Variants in ERBB4 observed in about 807,000 individuals in gnomAD.
ERBB4 encodes receptor tyrosine-protein kinase erbB-4.
In ERBB4, 42 loss-of-function variants were observed where a neutral mutation model predicts 158.0. The observed-to-expected ratio is 0.27, with a 90% CI of 0.21 to 0.34. The LOEUF is 0.34. ERBB4 is among the 10% of genes least tolerant of loss of function. The pLI, the probability that ERBB4 is intolerant of heterozygous loss-of-function variation, is 1.00. For missense variants in ERBB4, 1,333 were observed against 1,624.1 expected, an observed-to-expected ratio of 0.82 and a Z score of 3.08; for synonymous variants, 583 against 558.7, an observed-to-expected ratio of 1.04 and a Z score of -0.61.
intron 5 of ERBB4, among the ~76,000 whole-genome samples, chr2:211,735,775 ATACC>A (rs2074578976): frequency 1.3e-5 from 2 of 152,124 alleles, no homozygotes; most frequent in South Asian, 4.1e-4. Flanking sequence ...TAAAAGAGTT[ATACC>A]ACAAGCACAT....
At chr2:212,493,802 A>C (rs2106210123) in intron 1 of ERBB4, among the ~76,000 whole-genome samples, 1 of 151,846 alleles carries the variant, frequency 6.6e-6, no homozygotes, top group South Asian at 2.1e-4. Context: ...TTTAAGTAGT[A>C]ATCTCAGAAT....
At chr2:211,769,956 C>A (rs138833911) in intron 4 of ERBB4, among the ~76,000 whole-genome samples, 1 of 152,180 alleles carries the variant, frequency 6.6e-6, no homozygotes, top group Non-Finnish European at 1.5e-5. Context: ...TAGACACAAC[C>A]AGGAAAAATA....
At chr2:211,709,250 TACAC>T (rs72438406) in intron 9 of ERBB4, among the ~76,000 whole-genome samples, 18,156 of 123,964 alleles carry the variant, frequency 0.15, 1,256 homozygotes, top group South Asian at 0.16. Flanking sequence ...TATATATATA[TACAC>T]ATATATATAT....
intron 2 of ERBB4, among the ~76,000 whole-genome samples, chr2:211,981,616 A>G (rs1231120211): frequency 6.6e-6 from 1 of 152,178 alleles, no homozygotes; most frequent in Admixed American, 6.5e-5. Flanking sequence ...ATTCCTCAGT[A>G]TGAAATGGCC....
chr2:212,249,375 T>A (rs550100475), intron 1 of ERBB4, among the ~76,000 whole-genome samples: 30 of 142,394 alleles, frequency 2.1e-4, no homozygotes, highest in African/African-American at 7.4e-4. Context: ...AGACTCTAGA[T>A]AATTAAATTT....
intron 19 of ERBB4, among the ~76,000 whole-genome samples, chr2:211,578,378 C>T (rs931029043): frequency 6.6e-6 from 1 of 152,156 alleles, no homozygotes; most frequent in Admixed American, 6.5e-5. Context: ...GCCATACTAC[C>T]CAATGTAATT....
At position 212,191,552 on chromosome 2, in the gene ERBB4, G is replaced by GTTATA. The variant is rs1559701094; in HGVS notation, c.83-66650_83-66649insTATAA. On this transcript the variant is annotated intron_variant, in intron 1 of 27. Coordinates refer to ENST00000342788, the MANE Select transcript of ERBB4 (RefSeq NM_005235.3). The stretch of plus-strand genomic sequence containing the variant: ...CTGTTATATATAACACATGTGTTAT[G>GTTATA]CCTGTTATATATAACACATGTGTTA... 5.7e-3 allele frequency among the ~76,000 whole-genome samples: 59 copies of GTTATA among 10,332 alleles called. 4 individuals are homozygous for GTTATA. Among genetic ancestry groups the GTTATA allele is most frequent in the African/African-American group, 0.012 (41 of 3,554 alleles). The allele number at this position is 10,332 out of a possible 152,430, so 6.8% of individuals were successfully genotyped here. A position where few individuals can be genotyped will look rare whatever the true frequency, so the allele number is the denominator to read the frequency against.
At chr2:212,485,919 C>G (rs1267312291) in intron 1 of ERBB4, among the ~76,000 whole-genome samples, 1 of 151,950 alleles carries the variant, frequency 6.6e-6, no homozygotes, top group Non-Finnish European at 1.5e-5. Context: ...GACCAAACCA[C>G]CTCTCAAAAG....
intron 3 of ERBB4, among the ~76,000 whole-genome samples, chr2:211,888,860 C>G (rs1202709297): frequency 6.6e-6 from 1 of 151,690 alleles, no homozygotes; most frequent in East Asian, 1.9e-4. Context: ...AAACGGCGAA[C>G]CATGAGATTA....
intron 1 of ERBB4, among the ~76,000 whole-genome samples, chr2:212,420,701 C>T (rs1340013500): frequency 6.6e-6 from 1 of 152,148 alleles, no homozygotes; most frequent in Non-Finnish European, 1.5e-5. Context: ...TCTAGCCTTC[C>T]TAATAAACCA....
At chr2:211,972,077 T>G (rs921154536) in intron 2 of ERBB4, among the ~76,000 whole-genome samples, 3 of 152,142 alleles carry the variant, frequency 2.0e-5, no homozygotes, top group Non-Finnish European at 4.4e-5. Context: ...GGATATAAAA[T>G]CAATGTGAAA....
chr2:212,492,704 T>C (rs773438980), intron 1 of ERBB4, among the ~76,000 whole-genome samples: 12 of 151,478 alleles, frequency 7.9e-5, no homozygotes, highest in South Asian at 4.1e-4. Context: ...AAAAACCCTA[T>C]GCTTCAGTTT....
At chr2:211,939,137 T>C (rs2080412903) in intron 3 of ERBB4, among the ~76,000 whole-genome samples, 1 of 152,190 alleles carries the variant, frequency 6.6e-6, no homozygotes, top group Non-Finnish European at 1.5e-5. Flanking sequence ...AAATACAGCC[T>C]TAAGACCTAT....
chr2:212,481,448 G>A (rs1689693481), intron 1 of ERBB4, among the ~76,000 whole-genome samples: 1 of 152,140 alleles, frequency 6.6e-6, no homozygotes, highest in Non-Finnish European at 1.5e-5. Flanking sequence ...AGCATAAAGA[G>A]ATTCTAGTAG....
chr2:212,095,473 T>C (rs1458683695), intron 2 of ERBB4, among the ~76,000 whole-genome samples: 2 of 152,170 alleles, frequency 1.3e-5, no homozygotes, highest in East Asian at 1.9e-4. Context: ...GTTGTATAAA[T>C]GTTTTGGAGT....
chr2:212,252,401 C>T (rs1365630265), intron 1 of ERBB4, among the ~76,000 whole-genome samples: 2 of 151,882 alleles, frequency 1.3e-5, no homozygotes, highest in Non-Finnish European at 2.9e-5. Flanking sequence ...AGAGAATGAC[C>T]GTCTGTGTCA....
chr2:211,905,681 TAC>T (rs1553663425), intron 3 of ERBB4, among the ~76,000 whole-genome samples: 14 of 110,620 alleles, frequency 1.3e-4, no homozygotes, highest in South Asian at 7.8e-4. Flanking sequence ...TATATATATA[TAC>T]ACACATATAT....
At chr2:212,206,464 C>A (rs2082748628) in intron 1 of ERBB4, among the ~76,000 whole-genome samples, 1 of 151,638 alleles carries the variant, frequency 6.6e-6, no homozygotes, top group Non-Finnish European at 1.5e-5. Context: ...TCACGGTGAG[C>A]CTTTTATTTA....
intron 1 of ERBB4, among the ~76,000 whole-genome samples, chr2:212,458,354 C>T (rs1022066495): frequency 2.0e-5 from 3 of 151,886 alleles, no homozygotes; most frequent in African/African-American, 7.3e-5. Context: ...ATATAGAAAT[C>T]TGTAAGGGAC....
Sources: gnomAD v4.1 joint callset for allele counts (sites outside exome capture counted in the v4.1 genomes callset) on GRCh38, gnomAD v4.1.1 for gene constraint, MANE v1.5 for transcripts, NCBI Gene and HGNC (gene_info 2026-07-23, HGNC 2026-07-21) for gene names.